The following SOBP variants were observed in gnomAD, a reference collection of about 807,000 sequenced individuals.
SOBP encodes sine oculis-binding protein homolog.
Under a neutral mutation model 53.6 loss-of-function variants are expected in SOBP, and 4 were observed. That is an observed-to-expected ratio of 0.07 (90% CI 0.04 to 0.17). SOBP has a LOEUF of 0.17. Among genes scored for constraint, SOBP ranks in the 10% least tolerant of loss-of-function variants. The probability of loss-of-function intolerance (pLI) is 1.00; values close to 1 mark genes in which losing one functional copy is unlikely to be tolerated. For missense variants in SOBP, 1,088 were observed against 1,204.7 expected (o/e 0.90, Z 1.43); for synonymous variants, 584 against 522.6 (o/e 1.12, Z -1.60).
chr6:107,550,767 G>A (rs1263647985), intron 4 of SOBP, among the ~76,000 whole-genome samples: 7 of 152,208 alleles, frequency 4.6e-5, no homozygotes. Context: ...AGGAATGAGA[G>A]CGCCACATGT....
rs776640285 is a variant in SOBP, at chr6:107,635,212, C to T, written c.2368C>T (p.Leu790=). ...CHLDGEAAKK[L]MGEEALAGGD... is the part of the protein sequence containing the mutation. ...CCTGGACGGGGAGGCGGCCAAAAAGCTGATGGGCGAGGAGGCCCTGGCGGG... is the reference window on the plus strand; with the variant it reads ...CCTGGACGGGGAGGCGGCCAAAAAGTTGATGGGCGAGGAGGCCCTGGCGGG... Residue 790 remains leucine, a synonymous_variant, in exon 6 of 7, where the codon CTG becomes TTG. Coordinates refer to ENST00000317357, the MANE Select transcript of SOBP (RefSeq NM_018013.4). The surrounding 1 kb of genome is among the most constrained non-coding windows in gnomAD (Gnocchi z 4.5). 5 of 1,613,934 alleles carry T rather than the reference C, an allele frequency of 3.1e-6. No individual in the cohort carries two copies. Among genetic ancestry groups the T allele is most frequent in the Non-Finnish European group, 4.2e-6 (5 of 1,179,978 alleles).
chr6:107,510,743 G>C (rs1453308822), intron 3 of SOBP: 1 of 152,164 alleles, frequency 6.6e-6, no homozygotes, highest in African/African-American at 2.4e-5. Context: ...CAATTTTCTA[G>C]CTGTATGTAG....
At chr6:107,509,282 T>C (rs1018517552) in intron 3 of SOBP, among the ~76,000 whole-genome samples, 1 of 151,898 alleles carries the variant, frequency 6.6e-6, no homozygotes, top group African/African-American at 2.4e-5. Flanking sequence ...TAATCCCAGC[T>C]TCTAGGGAGG....
At chr6:107,503,197 TAA>T (rs1188341204) in intron 1 of SOBP, among the ~76,000 whole-genome samples, 4 of 152,274 alleles carry the variant, frequency 2.6e-5, no homozygotes. Flanking sequence ...TTATCCGCGA[TAA>T]GAGTTATCTT....
chr6:107,506,924 G>A (rs1318951981), intron 3 of SOBP, among the ~76,000 whole-genome samples: 2 of 152,024 alleles, frequency 1.3e-5, no homozygotes, highest in African/African-American at 4.8e-5. Context: ...AGGTGTGGTG[G>A]CGGGCTAGTA....
chr6:107,571,943 G>T (rs1301339673), intron 4 of SOBP, among the ~76,000 whole-genome samples: 2 of 152,188 alleles, frequency 1.3e-5, no homozygotes, highest in Non-Finnish European at 2.9e-5. Context: ...GACAAGGCAA[G>T]GGACGAGGAG....
intron 5 of SOBP, among the ~76,000 whole-genome samples, chr6:107,610,242 T>C (rs1209081804): frequency 6.6e-6 from 1 of 152,196 alleles, no homozygotes; most frequent in Non-Finnish European, 1.5e-5. Flanking sequence ...CAGAGCTCTC[T>C]GGGGTCTCCG....
chr6:107,579,753 A>G (rs886772862), intron 4 of SOBP, among the ~76,000 whole-genome samples: 2 of 152,230 alleles, frequency 1.3e-5, no homozygotes, highest in Non-Finnish European at 2.9e-5. Context: ...TTCATGTTGC[A>G]TATTTGTTAC....
intron 5 of SOBP, among the ~76,000 whole-genome samples, chr6:107,615,353 T>C (rs936033131): frequency 2.6e-5 from 4 of 152,128 alleles, no homozygotes; most frequent in Non-Finnish European, 5.9e-5. Context: ...TTCCAAGCAA[T>C]AGATTTATTA....
At chr6:107,507,842 A>T (rs1643902404) in intron 3 of SOBP, among the ~76,000 whole-genome samples, 1 of 152,122 alleles carries the variant, frequency 6.6e-6, no homozygotes, top group Non-Finnish European at 1.5e-5. Flanking sequence ...ATGAAAATGT[A>T]ATTCATTCTT....
At chr6:107,510,522 C>T (rs1783140145) in intron 3 of SOBP, 1 of 152,192 alleles carries the variant, frequency 6.6e-6, no homozygotes, top group African/African-American at 2.4e-5. Context: ...TGAGAAAATG[C>T]TAGTGTTTTG....
intron 3 of SOBP, among the ~76,000 whole-genome samples, chr6:107,518,266 A>G (rs1344729293): frequency 6.6e-6 from 1 of 152,214 alleles, no homozygotes; most frequent in Non-Finnish European, 1.5e-5. Context: ...CTCATTAGGG[A>G]CATCAGATTT....
intron 4 of SOBP, among the ~76,000 whole-genome samples, chr6:107,573,862 T>C (rs1460907438): frequency 6.6e-6 from 1 of 152,238 alleles, no homozygotes; most frequent in African/African-American, 2.4e-5. Flanking sequence ...TGTGTATGAA[T>C]AGAGCTTTCA....
At chr6:107,556,549 T>G (rs1784615234) in intron 4 of SOBP, among the ~76,000 whole-genome samples, 1 of 152,168 alleles carries the variant, frequency 6.6e-6, no homozygotes, top group African/African-American at 2.4e-5. Flanking sequence ...AACGAGGTAA[T>G]AGTGTGGTTT....
At chr6:107,599,497 T>C (rs1786073244) in intron 5 of SOBP, among the ~76,000 whole-genome samples, 1 of 152,104 alleles carries the variant, frequency 6.6e-6, no homozygotes, top group Non-Finnish European at 1.5e-5. Context: ...AAAACTGGTA[T>C]TTATCCAATT....
At chr6:107,602,335 T>C (rs148293797) in intron 5 of SOBP, among the ~76,000 whole-genome samples, 1 of 152,300 alleles carries the variant, frequency 6.6e-6, no homozygotes, top group East Asian at 1.9e-4. Flanking sequence ...ATCCGAGCAG[T>C]GTCTCCTGAA....
chr6:107,560,429 A>C (rs1487744192), intron 4 of SOBP, among the ~76,000 whole-genome samples: 2 of 152,060 alleles, frequency 1.3e-5, no homozygotes, highest in Non-Finnish European at 2.9e-5. Context: ...TTGTCCACCC[A>C]ATGACGGATT....
chr6:107,645,708 G>C (rs1562125137), intron 6 of SOBP, among the ~76,000 whole-genome samples: 2 of 152,206 alleles, frequency 1.3e-5, no homozygotes, highest in Admixed American at 6.5e-5. Context: ...GTGATCACAT[G>C]AATGAAAGCG....
intron 4 of SOBP, chr6:107,557,722 C>T (rs983845270): frequency 6.6e-6 from 1 of 152,190 alleles, no homozygotes; most frequent in Admixed American, 6.5e-5. Flanking sequence ...CAAGGGATTT[C>T]CTGTCACCAT....
Sources: gnomAD v4.1 joint callset for allele counts (sites outside exome capture counted in the v4.1 genomes callset) on GRCh38, gnomAD v4.1.1 for gene constraint, Gnocchi (gnomAD v3.1) non-coding constraint, MANE v1.5 for transcripts, NCBI Gene and HGNC (gene_info 2026-07-23, HGNC 2026-07-21) for gene names.